The following GREM2 variants were observed in gnomAD, a reference collection of about 807,000 sequenced individuals.
GREM2 encodes gremlin-2.
A neutral mutation model predicts 14.2 loss-of-function variants in GREM2; 11 were observed. The observed-to-expected ratio is 0.78, with a 90% CI of 0.49 to 1.28. GREM2 has a LOEUF of 1.28. Among genes scored for constraint, GREM2 ranks in the 50% most tolerant of loss-of-function variants. GREM2 has a pLI of 0.00. For missense variants in GREM2, 210 were observed against 218.5 expected (o/e 0.96, Z 0.24); for synonymous variants, 98 against 97.6 (o/e 1.00, Z -0.02).
intron 1 of GREM2, among the ~76,000 whole-genome samples, chr1:240,536,723 G>C (rs530520027): frequency 1.6e-5 from 2 of 125,596 alleles, no homozygotes; most frequent in African/African-American, 6.1e-5. Flanking sequence ...CATCTGTAGA[G>C]TTTAAGACAA....
chr1:240,559,613 G>A (rs1475692679), intron 1 of GREM2, among the ~76,000 whole-genome samples: 1 of 151,920 alleles, frequency 6.6e-6, no homozygotes, highest in Non-Finnish European at 1.5e-5. Context: ...CAAAGTCCTG[G>A]GATTACAGGC....
intron 1 of GREM2, among the ~76,000 whole-genome samples, chr1:240,518,042 G>C (rs778072424): frequency 1.3e-5 from 2 of 152,158 alleles, no homozygotes; most frequent in Non-Finnish European, 2.9e-5. Context: ...TCAACAGCCC[G>C]AATCCTACAT....
rs2103325445 is a variant in GREM2 at position 240,540,879 on chromosome 1, G to T, written c.-1-47403C>A. Among the ~76,000 whole-genome samples, 1 of 152,200 alleles carries T rather than the reference G, an allele frequency of 6.6e-6. No individual in the cohort carries two copies. The highest frequency in any genetic ancestry group is 2.4e-5 in the African/African-American group (1 of 41,542). On this transcript the variant is annotated intron_variant, in intron 1 of 1. Transcript: ENST00000318160. The surrounding 1 kb of genome is among the most constrained non-coding windows in gnomAD (Gnocchi z 4.2). ...CCAGGCCGCATAATACTTCTTAAAA[G>T]AAGACAGTTACTAAGGAGAGAGATG...
intron 1 of GREM2, among the ~76,000 whole-genome samples, chr1:240,606,548 G>T (rs1187825982): frequency 1.3e-5 from 2 of 152,024 alleles, no homozygotes; most frequent in Admixed American, 1.3e-4. Flanking sequence ...TACCTTAACT[G>T]TCTTCTTCAC....
intron 1 of GREM2, among the ~76,000 whole-genome samples, chr1:240,571,518 AC>A (rs1198685743): frequency 6.6e-6 from 1 of 152,052 alleles, no homozygotes; most frequent in African/African-American, 2.4e-5. Context: ...ACATGGTGAA[AC>A]CCCATCTCTA....
chr1:240,546,433 T>C (rs1289442448), intron 1 of GREM2, among the ~76,000 whole-genome samples: 2 of 151,980 alleles, frequency 1.3e-5, no homozygotes, highest in Non-Finnish European at 2.9e-5. Flanking sequence ...TCACACCCAG[T>C]GCTACACTCA....
chr1:240,586,158 A>AAG (rs1315250290), intron 1 of GREM2, among the ~76,000 whole-genome samples: 5 of 152,192 alleles, frequency 3.3e-5, no homozygotes, highest in African/African-American at 1.2e-4. Flanking sequence ...GATTAAGACA[A>AAG]AGATTACTAC....
At chr1:240,596,238 A>C (rs1473969358) in intron 1 of GREM2, among the ~76,000 whole-genome samples, 1 of 152,208 alleles carries the variant, frequency 6.6e-6, no homozygotes, top group African/African-American at 2.4e-5. Context: ...CAATCATCAC[A>C]TATAATAAGT....
At chr1:240,518,470 T>A (rs72752838) in intron 1 of GREM2, among the ~76,000 whole-genome samples, 18,838 of 152,228 alleles carry the variant, frequency 0.12, 1,302 homozygotes, top group Middle Eastern at 0.22. Context: ...TGCTTTTTCT[T>A]TAAAGGATGG....
At chr1:240,586,907 C>T (rs552335986) in intron 1 of GREM2, among the ~76,000 whole-genome samples, 40 of 152,196 alleles carry the variant, frequency 2.6e-4, no homozygotes, top group African/African-American at 2.6e-4. Flanking sequence ...ACTGGAAAAA[C>T]GAGAGACTGC....
chr1:240,563,118 TGTGA>T (rs763509037), intron 1 of GREM2, among the ~76,000 whole-genome samples: 12 of 150,452 alleles, frequency 8.0e-5, no homozygotes, highest in South Asian at 4.2e-4. Context: ...TGTGTGTATA[TGTGA>T]GTGTGTATGT....
intron 1 of GREM2, among the ~76,000 whole-genome samples, chr1:240,564,274 G>A (rs1348322927): frequency 4.0e-5 from 6 of 151,682 alleles, no homozygotes; most frequent in African/African-American, 1.5e-4. Flanking sequence ...GGGACGCTGA[G>A]GCAGGTAGAT....
chr1:240,490,568 G>A lies in GREM2; in HGVS notation c.*2401C>T, dbSNP rs1677223067. ...ATAAAATAATTACATTATACTTATA[G>A]CTTTTCTTCATTTATAAACAAAACA... On this transcript the variant is annotated 3_prime_UTR_variant, in exon 2 of 2. Coordinates refer to ENST00000318160, the MANE Select transcript of GREM2 (RefSeq NM_022469.4). The A allele has an allele frequency of 6.6e-6, 1 of 152,360 alleles. No individual in the cohort carries two copies. Among genetic ancestry groups the A allele is most frequent in the Non-Finnish European group, 1.5e-5 (1 of 68,010 alleles). 9.4% of individuals were successfully genotyped at this position (152,360 alleles called of 1,614,324 possible).
intron 1 of GREM2, among the ~76,000 whole-genome samples, chr1:240,547,532 T>TATATATAGACAGATAGATAGATAGATAG (rs1187770486): frequency 8.2e-5 from 10 of 121,878 alleles, no homozygotes; most frequent in African/African-American, 3.3e-4. Context: ...TATATATATA[T>TATATATAGACAGATAGATAGATAGATAG]ATAGATAGAT....
intron 1 of GREM2, chr1:240,530,423 C>CA (rs1572384854): frequency 6.6e-6 from 1 of 152,116 alleles, no homozygotes; most frequent in South Asian, 2.1e-4. Context: ...GGTTCGCACA[C>CA]AAAAAACCAA....
intron 1 of GREM2, among the ~76,000 whole-genome samples, chr1:240,554,353 G>GTGAGC (rs917862263): frequency 3.3e-5 from 5 of 151,384 alleles, no homozygotes; most frequent in African/African-American, 1.2e-4. Context: ...AGAGGTTGCA[G>GTGAGC]TGAGCTGAGA....
At chr1:240,536,455 A>G (rs1181160351) in intron 1 of GREM2, among the ~76,000 whole-genome samples, 1 of 152,228 alleles carries the variant, frequency 6.6e-6, no homozygotes, top group African/African-American at 2.4e-5. Flanking sequence ...TGGTATGAAG[A>G]GGGATAAGCA....
rs141479546 is a variant in GREM2, at chr1:240,524,173, C to T, written c.-1-30697G>A. ...CTGAAGCTATAGGCACATGCCACCT[C>T]GCCCAGCTAATTTTTTATTTTTTGT... On this transcript the variant is annotated intron_variant, in intron 1 of 1. Coordinates refer to ENST00000318160, the MANE Select transcript of GREM2 (RefSeq NM_022469.4). 5.4e-4 allele frequency among the ~76,000 whole-genome samples: 82 copies of T among 152,278 alleles called. 1 individual carries two copies. The East Asian group carries it at 0.013, about 24-fold the overall frequency.
At chr1:240,498,578 G>A (rs533843936) in intron 1 of GREM2, among the ~76,000 whole-genome samples, 19 of 152,250 alleles carry the variant, frequency 1.2e-4, no homozygotes, top group African/African-American at 4.3e-4. Context: ...GGGAGAGAAC[G>A]TCCGTTCTCT....
Sources: gnomAD v4.1 joint callset for allele counts (sites outside exome capture counted in the v4.1 genomes callset) on GRCh38, gnomAD v4.1.1 for gene constraint, Gnocchi (gnomAD v3.1) non-coding constraint, MANE v1.5 for transcripts, NCBI Gene and HGNC (gene_info 2026-07-23, HGNC 2026-07-21) for gene names.